PCNX2: variants seen among roughly 807,000 people sequenced by gnomAD.
PCNX2 encodes pecanex 2.
A neutral mutation model predicts 223.8 loss-of-function variants in PCNX2; 168 were observed. That is an observed-to-expected ratio of 0.75 (90% confidence interval 0.66 to 0.85). The LOEUF is 0.85. Among genes scored for constraint, PCNX2 ranks in the 40% least tolerant of loss-of-function variants. The probability of loss-of-function intolerance (pLI) is 0.00; values close to 1 mark genes in which losing one functional copy is unlikely to be tolerated. For synonymous variants in PCNX2, 1,006 were observed against 1,052.6 expected (o/e 0.96, Z 0.86); for missense variants, 2,507 against 2,675.5 (o/e 0.94, Z 1.39).
chr1:233,290,192 G>A (rs896483770), intron 1 of PCNX2, among the ~76,000 whole-genome samples: 1 of 152,144 alleles, frequency 6.6e-6, no homozygotes, highest in Non-Finnish European at 1.5e-5. Context: ...AATAATCCAA[G>A]ATGCCTAGAG....
At chr1:233,161,231 A>G (rs1255418125) in intron 18 of PCNX2, 40 bp downstream of exon 18, 3 of 1,549,720 alleles carry the variant, frequency 1.9e-6, no homozygotes, top group East Asian at 2.3e-5. Flanking sequence ...ATTAAGGAGA[A>G]TAAGGGGGCA....
intron 1 of PCNX2, among the ~76,000 whole-genome samples, chr1:233,275,985 C>T (rs571377089): frequency 3.1e-4 from 47 of 151,366 alleles, no homozygotes; most frequent in African/African-American, 1.1e-3. Flanking sequence ...GAGCCCAGGT[C>T]GTGTCACTGC....
Position 233,252,445 on chromosome 1 carries a change from A to G in PCNX2, c.2037T>C (p.Asp679=), listed in dbSNP as rs754571486. ...CACTGATGACTTGCAAGACAGAACT[A>G]TCTTGTTGGGAAGTTACCCTGTAGA... The part of the protein sequence containing the change: ...QIIYRVTSQQ[D]SSVLQVISGP... The change falls in exon 7 of 34, where the codon GAT becomes GAC. Residue 679 remains aspartate, a synonymous_variant. Coordinates refer to ENST00000258229, the MANE Select transcript of PCNX2 (RefSeq NM_014801.4). 8 of 1,613,564 alleles carry G rather than the reference A, an allele frequency of 5.0e-6. No individual in the cohort carries two copies. In the Admixed American group the frequency reaches 5.0e-5, roughly 10 times the overall value.
chr1:233,087,608 A>G (rs1673669257), intron 23 of PCNX2, among the ~76,000 whole-genome samples: 1 of 152,210 alleles, frequency 6.6e-6, no homozygotes, highest in Non-Finnish European at 1.5e-5. Flanking sequence ...TAAGGACCAG[A>G]TGAGATTTCC....
chr1:233,152,577 T>C (rs1261575952), intron 19 of PCNX2, among the ~76,000 whole-genome samples: 1 of 152,206 alleles, frequency 6.6e-6, no homozygotes, highest in Admixed American at 6.5e-5. Flanking sequence ...TTTGAAAGCA[T>C]TTTTACATAT....
At chr1:233,160,987 C>G (rs1678432585) in intron 18 of PCNX2, among the ~76,000 whole-genome samples, 1 of 152,186 alleles carries the variant, frequency 6.6e-6, no homozygotes, top group African/African-American at 2.4e-5. Context: ...ACTGTCCTCA[C>G]AGTGGATTCC....
At chr1:233,212,706 G>A (rs996492181) in intron 12 of PCNX2, among the ~76,000 whole-genome samples, 2 of 152,196 alleles carry the variant, frequency 1.3e-5, no homozygotes, top group Non-Finnish European at 2.9e-5. Context: ...CCTACATTCT[G>A]CCTTTAATCA....
chr1:233,241,103 TA>T, intron 8 of PCNX2: 1 of 896,202 alleles, frequency 1.1e-6, no homozygotes, highest in Non-Finnish European at 1.3e-6. Flanking sequence ...GATGTTTAAC[TA>T]AAGCAGCACT....
rs74591924 is a variant in PCNX2, at chr1:233,056,145, C to A, written c.4135+1087G>T. Among the ~76,000 whole-genome samples the A allele has an allele frequency of 3.7e-3, 557 of 152,216 alleles. 6 individuals are homozygous for A. The highest frequency in any genetic ancestry group is 0.012 in the African/African-American group (495 of 41,552). The stretch of plus-strand genomic sequence containing the variant: ...TTCTATGCAGATGAAGCCTCCTTGA[C>A]CTGCACTGTATTCATTTTCTCTAAT... On this transcript the variant is annotated intron_variant, in intron 24 of 33. Transcript: ENST00000258229.
At chr1:233,030,565 A>T (rs990031057) in intron 25 of PCNX2, among the ~76,000 whole-genome samples, 2 of 152,158 alleles carry the variant, frequency 1.3e-5, no homozygotes, top group African/African-American at 4.8e-5. Context: ...CAGGAAGTTA[A>T]TTTATCTGCC....
At chr1:233,193,745 A>G (rs187214562) in intron 15 of PCNX2, among the ~76,000 whole-genome samples, 1 of 152,320 alleles carries the variant, frequency 6.6e-6, no homozygotes, top group Non-Finnish European at 1.5e-5. Flanking sequence ...AATGAAAACT[A>G]TCTACAGACA....
At chr1:233,240,330 TTC>T (rs1234522062) in intron 8 of PCNX2, among the ~76,000 whole-genome samples, 5 of 152,170 alleles carry the variant, frequency 3.3e-5, no homozygotes, top group African/African-American at 9.7e-5. Context: ...TTGCTGCTTA[TTC>T]TCTCTCATTT....
intron 1 of PCNX2, among the ~76,000 whole-genome samples, chr1:233,278,842 T>C (rs1199006190): frequency 6.6e-6 from 1 of 152,160 alleles, no homozygotes; most frequent in African/African-American, 2.4e-5. Flanking sequence ...TACAGTATCA[T>C]TTCTCCCCTT....
At chr1:233,051,877 C>T (rs1672019103) in intron 25 of PCNX2, among the ~76,000 whole-genome samples, 1 of 152,062 alleles carries the variant, frequency 6.6e-6, no homozygotes, top group South Asian at 2.1e-4. Context: ...AAGGAATATA[C>T]TAAAATAAAA....
chr1:233,011,112 A>G (rs1670453187), intron 28 of PCNX2, among the ~76,000 whole-genome samples: 1 of 152,204 alleles, frequency 6.6e-6, no homozygotes. Flanking sequence ...CAAACACACA[A>G]TTATGAGCCA....
At chr1:233,083,913 A>T (rs1673477371) in intron 23 of PCNX2, among the ~76,000 whole-genome samples, 2 of 152,224 alleles carry the variant, frequency 1.3e-5, no homozygotes, top group Admixed American at 1.3e-4. Flanking sequence ...GACTTCAGGT[A>T]GATTGCAGGG....
chr1:233,032,700 T>C (rs1031209251), intron 25 of PCNX2, among the ~76,000 whole-genome samples: 10 of 152,212 alleles, frequency 6.6e-5, no homozygotes, highest in South Asian at 2.1e-4. Context: ...GATGGCGAAT[T>C]TGAATTTCTG....
intron 17 of PCNX2, among the ~76,000 whole-genome samples, chr1:233,167,388 C>G (rs1006049040): frequency 2.6e-5 from 4 of 151,602 alleles, no homozygotes; most frequent in African/African-American, 9.7e-5. Flanking sequence ...GAGAATAAAA[C>G]AGTAGTTAAC....
At chr1:233,068,875 A>G (rs1005985486) in intron 23 of PCNX2, among the ~76,000 whole-genome samples, 1 of 152,106 alleles carries the variant, frequency 6.6e-6, no homozygotes. Flanking sequence ...CCAAACATAA[A>G]TACACCAGAA....
Sources: gnomAD v4.1 joint callset for allele counts (sites outside exome capture counted in the v4.1 genomes callset) on GRCh38, gnomAD v4.1.1 for gene constraint, MANE v1.5 for transcripts, NCBI Gene and HGNC (gene_info 2026-07-23, HGNC 2026-07-21) for gene names.